Variants in CTBP2 observed in about 807,000 individuals in gnomAD.
CTBP2 encodes the protein C-terminal-binding protein 2.
Under a neutral mutation model 80.3 loss-of-function variants are expected in CTBP2, and 30 were observed. That is an observed-to-expected ratio of 0.37 (90% CI 0.28 to 0.51). The LOEUF is 0.51. Ranked by LOEUF, CTBP2 falls within the 20% of genes least tolerant of loss-of-function variation. The pLI is 0.93. For synonymous variants in CTBP2, 594 were observed against 587.4 expected, an observed-to-expected ratio of 1.01 and a Z score of -0.16; for missense variants, 1,212 against 1,375.3, an observed-to-expected ratio of 0.88 and a Z score of 1.88.
At chr10:125,129,559 CAG>C (rs771465122) in intron 1 of CTBP2, among the ~76,000 whole-genome samples, 1 of 152,126 alleles carries the variant, frequency 6.6e-6, no homozygotes, top group Non-Finnish European at 1.5e-5. Flanking sequence ...GCTGGGGGCA[CAG>C]TGTGTCCTGC....
At chr10:124,991,898 G>GC (rs201215878) in intron 8 of CTBP2, among the ~76,000 whole-genome samples, 2 of 144,884 alleles carry the variant, frequency 1.4e-5, no homozygotes, top group Non-Finnish European at 3.0e-5. Flanking sequence ...AATAATGGGG[G>GC]GGGGGGTGTG....
chr10:125,094,558 C>A (rs1455557255), intron 2 of CTBP2, among the ~76,000 whole-genome samples: 1 of 152,162 alleles, frequency 6.6e-6, no homozygotes, highest in Non-Finnish European at 1.5e-5. Context: ...TGACAAGGGC[C>A]ATGGAATCAA....
chr10:125,006,984 G>A (rs561951626), intron 1 of CTBP2, among the ~76,000 whole-genome samples: 2 of 152,368 alleles, frequency 1.3e-5, no homozygotes, highest in Admixed American at 6.5e-5. Context: ...TTCACAGCCC[G>A]GGAGTCAGCG....
At position 124,984,747 on chromosome 10, in the gene CTBP2, C is replaced by G. The variant is rs757334618; in HGVS notation, c.*4771G>C. 3.2e-5 allele frequency: 52 copies of G among 1,605,662 alleles called. No homozygotes were observed. The South Asian group carries it at 5.4e-4, about 17-fold the overall frequency. The stretch of plus-strand genomic sequence containing the variant: ...AGTCTCTGATCTGTTGTATGATTTT[C>G]CCTTTGTCTTCATATTCCTCCAAAA... On this transcript the variant is annotated 3_prime_UTR_variant, in exon 9 of 9. Coordinates refer to ENST00000309035, the MANE Select transcript of CTBP2 (RefSeq NM_022802.3).
Position 125,079,276 on chromosome 10 carries a change from G to A in CTBP2, c.-102+31714C>T, listed in dbSNP as rs71488645. On this transcript the variant is annotated intron_variant, in intron 2 of 10. Transcript: ENST00000337195. ...TGACGCTCCTGCTCTAAAGTACACG[G>A]AGGACACAGGGCACAGCGCCTTTCA... Among the ~76,000 whole-genome samples, 723 of 152,268 alleles carry A rather than the reference G, an allele frequency of 4.7e-3. 3 individuals are homozygous for A. Among genetic ancestry groups the A allele is most frequent in the Middle Eastern group, 0.014 (4 of 292 alleles).
chr10:125,141,632 C>G (rs1857834385), intron 1 of CTBP2, among the ~76,000 whole-genome samples: 1 of 152,092 alleles, frequency 6.6e-6, no homozygotes, highest in Non-Finnish European at 1.5e-5. Flanking sequence ...ATGGCAAGCA[C>G]ACAGTAAACA....
chr10:125,050,794 T>C (rs764646921), intron 2 of CTBP2, among the ~76,000 whole-genome samples: 20 of 152,192 alleles, frequency 1.3e-4, no homozygotes, highest in Non-Finnish European at 2.2e-4. Context: ...TTCCAGGCTA[T>C]AGCTAAAATA....
intron 1 of CTBP2, among the ~76,000 whole-genome samples, chr10:125,117,799 A>G (rs1853586981): frequency 6.6e-6 from 1 of 152,222 alleles, no homozygotes; most frequent in Non-Finnish European, 1.5e-5. Flanking sequence ...AGGGAAGGAA[A>G]AAACAACAAC....
upstream of CTBP2, among the ~76,000 whole-genome samples, chr10:125,029,064 C>T (rs1366675907): frequency 2.0e-5 from 3 of 152,112 alleles, no homozygotes; most frequent in Non-Finnish European, 2.9e-5. Context: ...AAATAAAAGC[C>T]GGTGATTAGG....
At chr10:125,025,516 C>G (rs1391653916) in intron 1 of CTBP2, among the ~76,000 whole-genome samples, 1 of 152,210 alleles carries the variant, frequency 6.6e-6, no homozygotes, top group Non-Finnish European at 1.5e-5. Flanking sequence ...TGAGGGATTT[C>G]AACATCTTGC....
At chr10:125,093,021 G>A (rs760268143) in intron 2 of CTBP2, among the ~76,000 whole-genome samples, 4 of 152,080 alleles carry the variant, frequency 2.6e-5, no homozygotes, top group East Asian at 1.9e-4. Flanking sequence ...CACTCAGAAC[G>A]CGCACTCAGT....
intron 2 of CTBP2, among the ~76,000 whole-genome samples, chr10:125,086,613 T>TAAAAAAA (rs66522424): frequency 1.7e-5 from 2 of 116,430 alleles, no homozygotes; most frequent in African/African-American, 6.6e-5. Flanking sequence ...AAATTTTATT[T>TAAAAAAA]AAAAAAAAAA....
Position 125,027,215 on chromosome 10 carries a change from C to G in CTBP2, c.545G>C (p.Arg182Thr). The change falls in exon 1 of 9, where the codon AGG (arginine) becomes ACG (threonine). Residue 182 changes from arginine to threonine, a missense_variant. Physicochemically the swap from Arg to Thr is moderately conservative, Grantham distance 71. Coordinates refer to ENST00000309035, the MANE Select transcript of CTBP2 (RefSeq NM_022802.3). ...TCCATACCGCCCGGGAGATGCAGCC[C>G]TGCTCTGTGTCTGCCGCCCCTGAGG... 1.2e-6 allele frequency: 2 copies of G among 1,612,908 alleles called. No homozygotes were observed. Among genetic ancestry groups the G allele is most frequent in the South Asian group, 2.2e-5 (2 of 91,058 alleles).
At chr10:125,080,281 A>G (rs754858085) in intron 2 of CTBP2, among the ~76,000 whole-genome samples, 2 of 148,108 alleles carry the variant, frequency 1.4e-5, no homozygotes, top group Non-Finnish European at 3.0e-5. Context: ...TCCTTGGATT[A>G]GGGGTAAAAA....
chr10:125,025,667 C>T (rs1957461732), intron 1 of CTBP2, among the ~76,000 whole-genome samples: 1 of 152,188 alleles, frequency 6.6e-6, no homozygotes, highest in South Asian at 2.1e-4. Flanking sequence ...GCACACTTTA[C>T]AGCCAGCATT....
chr10:125,018,489 C>CA (rs1956716091), intron 1 of CTBP2, among the ~76,000 whole-genome samples: 2 of 144,598 alleles, frequency 1.4e-5, no homozygotes, highest in South Asian at 2.3e-4. Context: ...GACTCTGTCT[C>CA]AAAAAAACAA....
At chr10:125,130,561 C>T (rs775680621) in intron 1 of CTBP2, among the ~76,000 whole-genome samples, 7 of 152,206 alleles carry the variant, frequency 4.6e-5, no homozygotes, top group African/African-American at 7.2e-5. Context: ...TCAAGTCACA[C>T]GTGGGCTGCA....
intron 2 of CTBP2, among the ~76,000 whole-genome samples, chr10:125,067,394 A>G (rs981506082): frequency 5.9e-5 from 9 of 152,236 alleles, no homozygotes; most frequent in Admixed American, 5.9e-4. Context: ...ACTTCAGTTA[A>G]TATTAATGTA....
chr10:125,052,883 T>A (rs1963100551), intron 2 of CTBP2, among the ~76,000 whole-genome samples: 1 of 152,212 alleles, frequency 6.6e-6, no homozygotes, highest in Non-Finnish European at 1.5e-5. Context: ...GACAGCCACG[T>A]GCATCTCCAC....
Sources: gnomAD v4.1 joint callset for allele counts (sites outside exome capture counted in the v4.1 genomes callset) on GRCh38, gnomAD v4.1.1 for gene constraint, MANE v1.5 for transcripts, NCBI Gene and HGNC (gene_info 2026-07-23, HGNC 2026-07-21) for gene names.